Variants in SPAG1 observed in about 807,000 individuals in gnomAD.
SPAG1 encodes the protein sperm associated antigen 1.
Under a neutral mutation model 100.5 loss-of-function variants are expected in SPAG1, and 69 were observed. That is an observed-to-expected ratio of 0.69 (90% CI 0.57 to 0.84). The LOEUF is 0.84. SPAG1 is among the 40% of genes least tolerant of loss of function. The pLI, the probability that SPAG1 is intolerant of heterozygous loss-of-function variation, is 0.00. For synonymous variants in SPAG1, 336 were observed against 411.6 expected (o/e 0.82, Z 2.22); for missense variants, 955 against 1,133.1 (o/e 0.84, Z 2.26).
chr8:100,176,160 T>C (rs896125986), intron 3 of SPAG1, among the ~76,000 whole-genome samples: 4 of 152,180 alleles, frequency 2.6e-5, no homozygotes, highest in Non-Finnish European at 4.4e-5. Context: ...TCTGCTGCCT[T>C]TTGGTTGGGA....
At chr8:100,193,285 C>T (rs2132286644) in intron 9 of SPAG1, among the ~76,000 whole-genome samples, 1 of 152,114 alleles carries the variant, frequency 6.6e-6, no homozygotes, top group East Asian at 1.9e-4. Flanking sequence ...GACAGCTGAA[C>T]TTCATCTCCA....
At chr8:100,227,991 T>C (rs1818593488) in intron 14 of SPAG1, among the ~76,000 whole-genome samples, 1 of 151,874 alleles carries the variant, frequency 6.6e-6, no homozygotes, top group Non-Finnish European at 1.5e-5. Context: ...ACTACAGGTG[T>C]GTGCCACCGT....
At position 100,188,306 on chromosome 8, in the gene SPAG1, C is replaced by T. The variant is rs144640552; in HGVS notation, c.832+1056C>T. 6.1e-3 allele frequency among the ~76,000 whole-genome samples: 929 copies of T among 152,092 alleles called. 6 individuals carry two copies. The highest frequency in any genetic ancestry group is 0.024 in the Middle Eastern group (7 of 294). On this transcript the variant is annotated intron_variant, in intron 8 of 18. Transcript: ENST00000388798. ...AGCTGGGACTACAAGCACGTGCCAC[C>T]ACACCCAGCTAATTTTGTTTGTATT...
intron 9 of SPAG1, among the ~76,000 whole-genome samples, chr8:100,193,064 T>C (rs1289281644): frequency 6.6e-6 from 1 of 152,230 alleles, no homozygotes; most frequent in Non-Finnish European, 1.5e-5. Context: ...ATATTTCTTA[T>C]GTAAGACATG....
chr8:100,162,481 CT>C, intron 2 of SPAG1, 61 bp downstream of exon 2: 2 of 1,305,804 alleles, frequency 1.5e-6, no homozygotes, highest in Non-Finnish European at 2.1e-6. Flanking sequence ...TTGTTGTTAC[CT>C]TCTAAAGGTA....
At chr8:100,237,856 A>G (rs913549482) in intron 16 of SPAG1, among the ~76,000 whole-genome samples, 1 of 152,120 alleles carries the variant, frequency 6.6e-6, no homozygotes, top group Non-Finnish European at 1.5e-5. Context: ...AAATGATCCT[A>G]TTGACTCCTA....
At chr8:100,220,175 G>T in intron 12 of SPAG1, 104 bp from the exon 13 acceptor site, 1 of 925,308 alleles carries the variant, frequency 1.1e-6, no homozygotes. Context: ...AGTCTCGGAT[G>T]TGTACATATT....
At chr8:100,204,325 G>A (rs1027535313) in intron 10 of SPAG1, among the ~76,000 whole-genome samples, 12 of 152,126 alleles carry the variant, frequency 7.9e-5, no homozygotes, top group East Asian at 1.9e-4. Context: ...AAGGAGGTGC[G>A]CTACACTCAA....
chr8:100,172,552 G>A (rs1053654206), intron 3 of SPAG1, among the ~76,000 whole-genome samples: 2 of 152,018 alleles, frequency 1.3e-5, no homozygotes, highest in Admixed American at 6.6e-5. Context: ...CCCAGGAGGT[G>A]GAGGTTGTAG....
chr8:100,183,253 G>A (rs758166763), intron 4 of SPAG1, 122 bp from the exon 5 acceptor site: 5 of 515,658 alleles, frequency 9.7e-6, no homozygotes, highest in Non-Finnish European at 1.4e-5. Context: ...GATTACAGGC[G>A]TGAGTCCCCG....
Position 100,213,166 on chromosome 8 carries a change from C to G in SPAG1, c.1173C>G (p.Gly391=). 1.4e-6 allele frequency: 2 copies of G among 1,476,018 alleles called. No homozygotes were observed. The highest frequency in any genetic ancestry group is 2.4e-5 in the Admixed American group (1 of 42,394). The allele number at this position is 1,476,018 out of a possible 1,614,324, so 91.4% of individuals were successfully genotyped here. A position where few individuals can be genotyped will look rare whatever the true frequency, so the allele number is the denominator to read the frequency against. The part of the protein sequence containing the change: ...VMGNIQKKLT[G]KAEGGKRPAR... ...GCAACATCCAGAAGAAGCTGACTGG[C>G]AAAGCCGAAGGCGGCAAGCGGCCGG... is the stretch of plus-strand genomic sequence containing the variant. Residue 391 remains glycine (G), a synonymous_variant, in exon 11 of 19, where the codon GGC becomes GGG. Coordinates refer to ENST00000388798, the MANE Select transcript of SPAG1 (RefSeq NM_003114.5).
At chr8:100,186,068 T>C (rs1816574746) in intron 7 of SPAG1, among the ~76,000 whole-genome samples, 1 of 144,542 alleles carries the variant, frequency 6.9e-6, no homozygotes, top group Non-Finnish European at 1.5e-5. Flanking sequence ...TTCTTTTTTT[T>C]TTTTTTTTTT....
chr8:100,240,154 T>C (rs913712794), intron 17 of SPAG1, among the ~76,000 whole-genome samples: 1 of 152,226 alleles, frequency 6.6e-6, no homozygotes, highest in Non-Finnish European at 1.5e-5. Flanking sequence ...ACAACAATTG[T>C]ATAAAGTCTA....
chr8:100,212,993 C>G, intron 10 of SPAG1, 97 bp from the exon 11 acceptor site: 2 of 1,005,420 alleles, frequency 2.0e-6, no homozygotes, highest in South Asian at 2.1e-5. Flanking sequence ...CCCTAGAGCC[C>G]GCCCTCCGCG....
Position 100,239,141 on chromosome 8 carries a change from A to G in SPAG1, c.2116-99A>G, listed in dbSNP as rs1161917222. The G allele has an allele frequency of 1.5e-6, 1 of 667,788 alleles. No individual in the cohort carries two copies. The highest frequency in any genetic ancestry group is 2.5e-6 in the Non-Finnish European group (1 of 396,866). The allele number at this position is 667,788 out of a possible 1,614,324, so 41.4% of individuals were successfully genotyped here. On this transcript the variant is annotated intron_variant, in intron 16 of 18. Transcript: ENST00000388798. This position sits in a 1 kb window ranked among gnomAD's most constrained non-coding sequence, Gnocchi z 5.0. ...AGTGGTATTAATGTGGACCCTGCACACATACTGCACAGCTCACTACATCCA... is the reference window on the plus strand; with the variant it reads ...AGTGGTATTAATGTGGACCCTGCACGCATACTGCACAGCTCACTACATCCA...
intron 13 of SPAG1, among the ~76,000 whole-genome samples, chr8:100,221,199 A>G (rs1160355436): frequency 6.6e-6 from 1 of 152,248 alleles, no homozygotes; most frequent in Admixed American, 6.5e-5. Context: ...CATTGGCACC[A>G]TATCTGTCAG....
intron 10 of SPAG1, among the ~76,000 whole-genome samples, chr8:100,209,884 G>C (rs955645623): frequency 1.5e-4 from 22 of 151,660 alleles, no homozygotes; most frequent in African/African-American, 5.3e-4. Context: ...TTTTTTTGGT[G>C]GGGGTGGTGA....
intron 2 of SPAG1, chr8:100,165,415 A>T: frequency 2.2e-6 from 1 of 445,446 alleles, no homozygotes; most frequent in Non-Finnish European, 4.5e-6. Flanking sequence ...TCAGGAACAG[A>T]GTACTTTGTA....
intron 1 of SPAG1, among the ~76,000 whole-genome samples, chr8:100,161,404 G>T (rs186844878): frequency 2.0e-5 from 3 of 152,206 alleles, no homozygotes; most frequent in Admixed American, 2.0e-4. Flanking sequence ...GGCAGGCCAG[G>T]TCTCACTAAC....
Sources: gnomAD v4.1 joint callset for allele counts (sites outside exome capture counted in the v4.1 genomes callset) on GRCh38, gnomAD v4.1.1 for gene constraint, Gnocchi (gnomAD v3.1) non-coding constraint, MANE v1.5 for transcripts, NCBI Gene and HGNC (gene_info 2026-07-23, HGNC 2026-07-21) for gene names.